The following MEIS2 variants were observed in gnomAD, a reference collection of about 807,000 sequenced individuals.
MEIS2 encodes Meis homeobox 2.
In MEIS2, 9 loss-of-function variants were observed where a neutral mutation model predicts 58.6. That is an observed-to-expected ratio of 0.15 (90% CI 0.09 to 0.27). The LOEUF is 0.27. Ranked by LOEUF, MEIS2 falls within the 10% of genes least tolerant of loss-of-function variation. MEIS2 has a pLI of 1.00. For synonymous variants in MEIS2, 221 were observed against 228.4 expected, an observed-to-expected ratio of 0.97 and a Z score of 0.29; for missense variants, 427 against 635.0, an observed-to-expected ratio of 0.67 and a Z score of 3.52.
At chr15:36,967,642 A>G (rs1567119927) in intron 8 of MEIS2, among the ~76,000 whole-genome samples, 1 of 152,158 alleles carries the variant, frequency 6.6e-6, no homozygotes, top group Admixed American at 6.5e-5. Flanking sequence ...ACAATATCCC[A>G]AACTATCTTT....
intron 8 of MEIS2, among the ~76,000 whole-genome samples, chr15:37,012,572 T>C (rs1163038287): frequency 6.6e-6 from 1 of 152,212 alleles, no homozygotes; most frequent in Non-Finnish European, 1.5e-5. Context: ...GGTTCTACCT[T>C]ACCACACTTT....
At chr15:37,049,965 A>C (rs1466433688) in intron 7 of MEIS2, among the ~76,000 whole-genome samples, 1 of 152,170 alleles carries the variant, frequency 6.6e-6, no homozygotes, top group Non-Finnish European at 1.5e-5. Context: ...ATGGACAAAT[A>C]TATGTACTTG....
rs1486425773 is a variant in MEIS2 at position 36,995,987 on chromosome 15, ATATATATATATATATG to A, written c.900+40811_900+40826del. ...TATATATATATATATATATATATATATATATATATATATATGTATATATATATACATATGTGTATAT... is the reference window on the plus strand; with the variant it reads ...TATATATATATATATATATATATATATATATATATATACATATGTGTATAT... On this transcript the variant is annotated intron_variant, in intron 8 of 11. Transcript: ENST00000561208. Among the ~76,000 whole-genome samples the A allele has an allele frequency of 5.8e-3, 283 of 48,962 alleles. 3 individuals carry two copies. Among genetic ancestry groups the A allele is most frequent in the South Asian group, 0.032 (62 of 1,940 alleles). 32.1% of individuals were successfully genotyped at this position (48,962 alleles called of 152,430 possible). A position where few individuals can be genotyped will look rare whatever the true frequency, so the allele number is the denominator to read the frequency against.
chr15:36,950,471 A>AACC (rs2058716049), intron 8 of MEIS2, 71 bp from the exon 9 acceptor site: 1 of 1,416,548 alleles, frequency 7.1e-7, no homozygotes, highest in African/African-American at 1.4e-5. Context: ...CTAAGAATAA[A>AACC]ACCACCGTTG....
intron 7 of MEIS2, among the ~76,000 whole-genome samples, chr15:37,062,566 G>A (rs1055823812): frequency 2.6e-5 from 4 of 152,128 alleles, no homozygotes; most frequent in South Asian, 2.1e-4. Flanking sequence ...CTTGTCCTAC[G>A]ATCATGGAGA....
intron 8 of MEIS2, among the ~76,000 whole-genome samples, chr15:36,969,856 G>C (rs1203047818): frequency 6.6e-6 from 1 of 151,988 alleles, no homozygotes; most frequent in African/African-American, 2.4e-5. Context: ...GTAAATTGCA[G>C]CTCCTCGTAA....
chr15:37,005,612 G>A (rs1206443983), intron 8 of MEIS2, among the ~76,000 whole-genome samples: 1 of 152,128 alleles, frequency 6.6e-6, no homozygotes, highest in Non-Finnish European at 1.5e-5. Context: ...CAACCAGGCT[G>A]AGTGCAGTAG....
At chr15:37,096,902 G>C (rs1267115487) in intron 2 of MEIS2, among the ~76,000 whole-genome samples, 3 of 152,118 alleles carry the variant, frequency 2.0e-5, no homozygotes, top group Admixed American at 6.5e-5. Context: ...GAGGCCAAAG[G>C]CTTCACCTAC....
intron 8 of MEIS2, among the ~76,000 whole-genome samples, chr15:36,981,084 T>C (rs1301903297): frequency 6.7e-6 from 1 of 148,898 alleles, no homozygotes; most frequent in Non-Finnish European, 1.5e-5. Context: ...CTTTACAATA[T>C]AGCCCTTCAT....
intron 9 of MEIS2, among the ~76,000 whole-genome samples, chr15:36,920,959 C>T (rs769218749): frequency 6.6e-6 from 1 of 151,954 alleles, no homozygotes; most frequent in Non-Finnish European, 1.5e-5. Flanking sequence ...TAAAAGCACA[C>T]CCCAAAGGTT....
At chr15:36,994,081 T>G (rs566900148) in intron 8 of MEIS2, among the ~76,000 whole-genome samples, 15 of 152,146 alleles carry the variant, frequency 9.9e-5, no homozygotes, top group Middle Eastern at 6.8e-3. Flanking sequence ...GGTGGTATAG[T>G]TTTGAGAACT....
chr15:36,996,017 A>G (rs2060503883), intron 8 of MEIS2, among the ~76,000 whole-genome samples: 1 of 120,524 alleles, frequency 8.3e-6, no homozygotes, highest in African/African-American at 2.9e-5. Flanking sequence ...ATATATATAC[A>G]TATGTGTATA....
intron 8 of MEIS2, among the ~76,000 whole-genome samples, chr15:36,999,163 C>T (rs780727958): frequency 8.5e-5 from 13 of 152,258 alleles, no homozygotes; most frequent in African/African-American, 2.6e-4. Flanking sequence ...AGCCATCCAA[C>T]GAAACTCTCA....
chr15:36,926,471 C>T (rs72708683), intron 9 of MEIS2, among the ~76,000 whole-genome samples: 23 of 152,202 alleles, frequency 1.5e-4, no homozygotes, highest in African/African-American at 5.3e-4. Context: ...TAATAAAATA[C>T]GTCTGCATTA....
chr15:37,053,866 T>C (rs1178597839), intron 7 of MEIS2, among the ~76,000 whole-genome samples: 3 of 152,230 alleles, frequency 2.0e-5, no homozygotes, highest in African/African-American at 7.2e-5. Flanking sequence ...TGTTCTAAAC[T>C]TTGAAACATG....
chr15:37,009,176 C>T (rs2061034470), intron 8 of MEIS2, among the ~76,000 whole-genome samples: 1 of 152,112 alleles, frequency 6.6e-6, no homozygotes, highest in African/African-American at 2.4e-5. Context: ...ATAGTCCCAG[C>T]TACTCGGGAG....
intron 7 of MEIS2, among the ~76,000 whole-genome samples, chr15:37,055,415 T>G (rs2063100107): frequency 6.6e-6 from 1 of 152,222 alleles, no homozygotes. Flanking sequence ...CCTGTGTGTG[T>G]GTGTTTTTCC....
At chr15:37,097,863 C>A (rs1217261785) in intron 2 of MEIS2, 104 bp downstream of exon 2, 1 of 1,437,770 alleles carries the variant, frequency 7.0e-7, no homozygotes, top group Non-Finnish European at 9.2e-7. Context: ...CCCCACCATA[C>A]AGAAGTAACT....
At chr15:37,020,177 G>A (rs1320786116) in intron 8 of MEIS2, among the ~76,000 whole-genome samples, 8 of 152,050 alleles carry the variant, frequency 5.3e-5, no homozygotes, top group African/African-American at 1.2e-4. Flanking sequence ...TGTGGAGAGC[G>A]GGGTTTGCCA....
Sources: gnomAD v4.1 joint callset for allele counts (sites outside exome capture counted in the v4.1 genomes callset) on GRCh38, gnomAD v4.1.1 for gene constraint, MANE v1.5 for transcripts, NCBI Gene and HGNC (gene_info 2026-07-23, HGNC 2026-07-21) for gene names.